The following PHF20 variants were observed in gnomAD, a reference collection of about 807,000 sequenced individuals.
PHF20 encodes the protein glioma-expressed antigen 2.
PHF20 carries 23 observed loss-of-function variants against 113.5 expected under a neutral mutation model. The observed-to-expected ratio is 0.20, with a 90% CI of 0.15 to 0.29. The LOEUF is 0.29. Ranked by LOEUF, PHF20 falls within the 10% of genes least tolerant of loss-of-function variation. PHF20 has a pLI of 1.00. For missense variants in PHF20, 943 were observed against 1,219.6 expected (o/e 0.77, Z 3.38); for synonymous variants, 434 against 457.3 (o/e 0.95, Z 0.65).
intron 1 of PHF20, among the ~76,000 whole-genome samples, chr20:35,786,601 C>T (rs1018727332): frequency 2.0e-5 from 3 of 152,096 alleles, no homozygotes; most frequent in Admixed American, 6.6e-5. Flanking sequence ...ACTTGGGAGG[C>T]TGAGGCAGGA....
intron 2 of PHF20, among the ~76,000 whole-genome samples, chr20:35,809,717 C>CA (rs759390130): frequency 2.1e-3 from 261 of 126,572 alleles, no homozygotes; most frequent in Non-Finnish European, 2.0e-3. Context: ...GACCCTGTCT[C>CA]AAAAAAAAAA....
intron 13 of PHF20, among the ~76,000 whole-genome samples, chr20:35,921,500 T>C (rs939380987): frequency 1.3e-5 from 2 of 151,790 alleles, no homozygotes; most frequent in African/African-American, 4.8e-5. Context: ...CCTGGAAACA[T>C]AGCAAGATCC....
At chr20:35,876,365 G>T (rs1456332966) in intron 9 of PHF20, among the ~76,000 whole-genome samples, 3 of 151,966 alleles carry the variant, frequency 2.0e-5, no homozygotes, top group Non-Finnish European at 2.9e-5. Flanking sequence ...GAGGTCAGGA[G>T]TTCGAGACCA....
chr20:35,869,409 T>C, intron 6 of PHF20, 29 bp from the exon 7 acceptor site: 3 of 1,167,416 alleles, frequency 2.6e-6, no homozygotes, highest in Non-Finnish European at 3.8e-6. Flanking sequence ...TTATGTATCT[T>C]TTTTTGTGTG....
chr20:35,882,541 C>T (rs950849721), intron 9 of PHF20, among the ~76,000 whole-genome samples: 9 of 152,326 alleles, frequency 5.9e-5, no homozygotes, highest in African/African-American at 2.2e-4. Context: ...CATCTTTCCA[C>T]CTCAGCCTGC....
chr20:35,945,495 G>A (rs890628286), intron 17 of PHF20, among the ~76,000 whole-genome samples: 3 of 152,200 alleles, frequency 2.0e-5, no homozygotes, highest in African/African-American at 7.2e-5. Flanking sequence ...ATTTAGAAAG[G>A]TGGAGAGGAA....
chr20:35,822,951 A>T (rs968034523), intron 2 of PHF20, among the ~76,000 whole-genome samples: 4 of 151,484 alleles, frequency 2.6e-5, no homozygotes, highest in African/African-American at 9.7e-5. Context: ...AGAGTGGTAC[A>T]TTTATTACAG....
chr20:35,772,112 G>A (rs1039880023), intron 1 of PHF20, 33 bp downstream of exon 1: 2 of 149,562 alleles, frequency 1.3e-5, no homozygotes, highest in African/African-American at 4.9e-5. Context: ...CCGGCCGGCC[G>A]GGCCGGGTTG....
At chr20:35,839,784 T>C (rs1242782744) in intron 2 of PHF20, among the ~76,000 whole-genome samples, 1 of 152,208 alleles carries the variant, frequency 6.6e-6, no homozygotes, top group Non-Finnish European at 1.5e-5. Flanking sequence ...CTTCCAGTCC[T>C]CTGTGAGGAA....
At chr20:35,891,984 C>T (rs1235875065) in intron 9 of PHF20, among the ~76,000 whole-genome samples, 10 of 151,960 alleles carry the variant, frequency 6.6e-5, no homozygotes, top group African/African-American at 2.4e-4. Flanking sequence ...ATTCACCTGC[C>T]TCAGCCTCCT....
chr20:35,817,707 A>G (rs1485209219), intron 2 of PHF20, among the ~76,000 whole-genome samples: 1 of 152,084 alleles, frequency 6.6e-6, no homozygotes, highest in Admixed American at 6.6e-5. Context: ...CAGGCTAGAG[A>G]ATCCTTTGAG....
intron 6 of PHF20, 64 bp downstream of exon 6, chr20:35,863,464 G>T (rs2054256973): frequency 1.4e-6 from 2 of 1,458,904 alleles, no homozygotes; most frequent in Non-Finnish European, 1.8e-6. Flanking sequence ...GCCCTTTGTG[G>T]TTCTTTGTAA....
In PHF20 at chr20:35,938,699, G is replaced by A. The variant is rs766129140; in HGVS notation, c.2303G>A (p.Ser768Asn). ...GLQLKMSILQ[S>N]REHPDLPLWC... The stretch of plus-strand genomic sequence containing the variant: ...TGTCCTCTTTGTCCTCTCAACAGAA[G>A]CCGGGAGCATCCTGATCTGCCGCTG... The change falls in exon 16 of 18, where the codon AGC becomes AAC. Residue 768 changes from serine (S) to asparagine (N), a missense_variant and splice_region_variant. By Grantham distance (46) the Ser-to-Asn change is conservative. Around this residue, in one of 3 missense-constraint regions of PHF20, gnomAD observed 349 missense variants for 412.3 expected, o/e 0.85. Coordinates refer to ENST00000374012, the MANE Select transcript of PHF20 (RefSeq NM_016436.5). The A allele has an allele frequency of 3.7e-6, 6 of 1,603,238 alleles. No individual in the cohort carries two copies. The East Asian group carries it at 1.1e-4, about 30-fold the overall frequency.
chr20:35,938,795 C>T lies in PHF20; in HGVS notation c.2399C>T (p.Thr800Ile). The T allele has an allele frequency of 6.2e-7, 1 of 1,614,180 alleles. No individual in the cohort carries two copies. Among genetic ancestry groups the T allele is most frequent in the South Asian group, 1.1e-5 (1 of 91,076 alleles). Residue 800 changes from threonine (T) to isoleucine (I), a missense_variant, in exon 16 of 18, where the codon ACC becomes ATC. Physicochemically the swap from Thr to Ile is moderately conservative, Grantham distance 89. Transcript: ENST00000374012. ...SHFRNIPVTD[T>I]RSKEEAPSYR... is the part of the protein sequence containing the mutation. ...TTCAGAAACATCCCTGTCACTGACA[C>T]CAGGAGCAAGGAGGAAGCTCCAAGC...
chr20:35,875,075 G>GGT (rs1600859126), intron 9 of PHF20, among the ~76,000 whole-genome samples: 1 of 152,166 alleles, frequency 6.6e-6, no homozygotes, highest in East Asian at 1.9e-4. Context: ...CAGCCTGGGT[G>GGT]ACAGAGGAAG....
At chr20:35,858,454 C>G in intron 5 of PHF20, 73 bp downstream of exon 5, 1 of 789,568 alleles carries the variant, frequency 1.3e-6, no homozygotes, top group Non-Finnish European at 2.1e-6. Context: ...CAAATAAAGA[C>G]ATTACATTTG....
intron 3 of PHF20, among the ~76,000 whole-genome samples, chr20:35,844,591 A>G (rs2042590874): frequency 7.9e-6 from 1 of 126,790 alleles, no homozygotes; most frequent in Non-Finnish European, 1.7e-5. Flanking sequence ...ACACACACAC[A>G]GGCTGAAACA....
Position 35,947,622 on chromosome 20 carries a change from A to G in PHF20, c.3034A>G (p.Thr1012Ala), listed in dbSNP as rs1568817335. ...KVQQIALCCS[T>A] ...GCAGCAGATCGCCCTCTGCTGCTCA[A>G]CATGAAACTGGGCACCCAAAACTCA... Residue 1012 changes from threonine to alanine, a missense_variant, in exon 18 of 18, where the codon ACA (threonine) becomes GCA (alanine). Physicochemically the swap from Thr to Ala is moderately conservative, Grantham distance 58. This residue lies in a region of PHF20 where 349 missense variants were observed against 412.3 expected (regional missense o/e 0.85). Transcript: ENST00000374012. The G allele has an allele frequency of 6.2e-7, 1 of 1,613,174 alleles. No individual in the cohort carries two copies. The highest frequency in any genetic ancestry group is 8.5e-7 in the Non-Finnish European group (1 of 1,179,388).
chr20:35,928,052 C>T (rs1026689777), intron 14 of PHF20, among the ~76,000 whole-genome samples, 173 bp downstream of exon 14: 15 of 152,204 alleles, frequency 9.9e-5, no homozygotes, highest in Non-Finnish European at 2.2e-4. Flanking sequence ...CTATCCTGAA[C>T]GTAGCAATAA....
Sources: gnomAD v4.1 joint callset for allele counts (sites outside exome capture counted in the v4.1 genomes callset) on GRCh38, gnomAD v4.1.1 for gene constraint, gnomAD v4.1.1 regional missense constraint, MANE v1.5 for transcripts, NCBI Gene and HGNC (gene_info 2026-07-23, HGNC 2026-07-21) for gene names.